ADCY2: variants seen among roughly 807,000 people sequenced by gnomAD.
ADCY2 encodes the protein adenylate cyclase type 2.
Under a neutral mutation model 125.2 loss-of-function variants are expected in ADCY2, and 31 were observed. The observed-to-expected ratio is 0.25, with a 90% CI of 0.19 to 0.33. The LOEUF (loss-of-function observed/expected upper bound fraction) is 0.33. Among genes scored for constraint, ADCY2 ranks in the 10% least tolerant of loss-of-function variants. The pLI, the probability that ADCY2 is intolerant of heterozygous loss-of-function variation, is 1.00. For missense variants in ADCY2, 904 were observed against 1,418.2 expected (o/e 0.64, Z 5.82); for synonymous variants, 512 against 548.4 (o/e 0.93, Z 0.93).
At chr5:7,414,500 T>G in intron 1 of ADCY2, 73 bp from the exon 2 acceptor site, 1 of 1,320,310 alleles carries the variant, frequency 7.6e-7, no homozygotes, top group Non-Finnish European at 1.0e-6. Context: ...TGATGACATT[T>G]TAACAACATA....
chr5:7,739,349 C>T (rs1028949450), intron 14 of ADCY2, among the ~76,000 whole-genome samples: 2 of 151,518 alleles, frequency 1.3e-5, no homozygotes, highest in African/African-American at 4.8e-5. Flanking sequence ...GAAATACAAG[C>T]GAAATGTAAA....
rs763347773 is a variant in ADCY2, at chr5:7,573,593, C to CTTTTTTT, written c.571-52555_571-52549dup. ...GCCTCTGGGATACAGGGTTGATTTTCTTTTTTTTTTTTTTTTTTTTTTTTT... is the reference window on the plus strand; with the variant it reads ...GCCTCTGGGATACAGGGTTGATTTTCTTTTTTTTTTTTTTTTTTTTTTTTTTTTTTTT... On this transcript the variant is annotated intron_variant, in intron 3 of 24. Coordinates refer to ENST00000338316, the MANE Select transcript of ADCY2 (RefSeq NM_020546.3). Among the ~76,000 whole-genome samples the CTTTTTTT allele has an allele frequency of 3.6e-4, 31 of 86,362 alleles. 2 individuals carry two copies. The highest frequency in any genetic ancestry group is 6.7e-4 in the Non-Finnish European group (28 of 41,872). The allele number at this position is 86,362 out of a possible 152,430, so 56.7% of individuals were successfully genotyped here.
At chr5:7,716,406 T>C (rs1199013699) in intron 11 of ADCY2, among the ~76,000 whole-genome samples, 5 of 152,200 alleles carry the variant, frequency 3.3e-5, no homozygotes, top group Non-Finnish European at 7.4e-5. Flanking sequence ...TTTCATAAAA[T>C]AAAGTTTATG....
chr5:7,471,774 C>A (rs1377300859), intron 2 of ADCY2, among the ~76,000 whole-genome samples: 3 of 151,760 alleles, frequency 2.0e-5, no homozygotes, highest in African/African-American at 7.3e-5. Context: ...GTCATTTTTT[C>A]CATCAATTTG....
intron 2 of ADCY2, among the ~76,000 whole-genome samples, chr5:7,473,583 G>A (rs1046079187): frequency 6.6e-6 from 1 of 152,094 alleles, no homozygotes; most frequent in Non-Finnish European, 1.5e-5. Flanking sequence ...ATATCAGAGG[G>A]CTCTTTTAAA....
At chr5:7,497,005 A>G (rs1743367276) in intron 2 of ADCY2, among the ~76,000 whole-genome samples, 1 of 152,166 alleles carries the variant, frequency 6.6e-6, no homozygotes, top group South Asian at 2.1e-4. Flanking sequence ...TCCCAACTAC[A>G]CTTGAATTGT....
chr5:7,597,603 C>T (rs1737052163), intron 3 of ADCY2, among the ~76,000 whole-genome samples: 3 of 152,276 alleles, frequency 2.0e-5, no homozygotes, highest in African/African-American at 7.2e-5. Flanking sequence ...GACAAAAACC[C>T]ATCTGTATAA....
At chr5:7,643,770 T>C (rs1738793516) in intron 4 of ADCY2, among the ~76,000 whole-genome samples, 2 of 152,012 alleles carry the variant, frequency 1.3e-5, no homozygotes. Context: ...TTCTGTTTCC[T>C]GATACTTAGT....
intron 3 of ADCY2, among the ~76,000 whole-genome samples, chr5:7,592,543 G>GA (rs34665439): frequency 0.26 from 39,634 of 149,788 alleles, 6,219 homozygotes; most frequent in East Asian, 0.45. Context: ...AGGGGAACTG[G>GA]AAAAAAAAAT....
At chr5:7,683,863 CCTT>C (rs978603813) in intron 4 of ADCY2, among the ~76,000 whole-genome samples, 11 of 152,142 alleles carry the variant, frequency 7.2e-5, no homozygotes, top group African/African-American at 1.9e-4. Flanking sequence ...ACCACTTTTT[CCTT>C]CTTCTTCTTA....
chr5:7,428,634 G>A (rs997118211), intron 2 of ADCY2, among the ~76,000 whole-genome samples: 1 of 150,430 alleles, frequency 6.6e-6, no homozygotes, highest in Admixed American at 6.6e-5. Flanking sequence ...GTTAAAACCA[G>A]TGAGGGGATA....
In ADCY2 at chr5:7,731,522, TG is replaced by T. The variant is rs553179229; in HGVS notation, c.1871+4264del. Among the ~76,000 whole-genome samples, 249 of 152,308 alleles carry T rather than the reference TG, an allele frequency of 1.6e-3. 2 individuals are homozygous for T. The highest frequency in any genetic ancestry group is 5.7e-3 in the African/African-American group (235 of 41,566). On this transcript the variant is annotated intron_variant, in intron 14 of 24. Coordinates refer to ENST00000338316, the MANE Select transcript of ADCY2 (RefSeq NM_020546.3). ...TGCCTGCCTTGGCCTCCCAAAGTGC[TG>T]GGATTATAGGCATGAGCCACCGCAC...
intron 17 of ADCY2, among the ~76,000 whole-genome samples, chr5:7,772,117 G>A (rs112990088): frequency 2.4e-4 from 37 of 152,120 alleles, no homozygotes; most frequent in African/African-American, 8.7e-4. Flanking sequence ...TCATTTTACA[G>A]TGTCATGCGG....
rs115030110 is a variant in ADCY2, at chr5:7,749,113, A to G, written c.1956+5361A>G. On this transcript the variant is annotated intron_variant, in intron 15 of 24. Coordinates refer to ENST00000338316, the MANE Select transcript of ADCY2 (RefSeq NM_020546.3). ...GTTGCCTTGTGACTACTCAGCACCC[A>G]TTGATCAAAATCACATTGGTAAGTC... Among the ~76,000 whole-genome samples, 1,043 of 152,320 alleles carry G rather than the reference A, an allele frequency of 6.8e-3. 5 individuals are homozygous for G. Among genetic ancestry groups the G allele is most frequent in the Non-Finnish European group, 0.011 (729 of 68,032 alleles).
At chr5:7,471,014 G>A (rs1048195360) in intron 2 of ADCY2, among the ~76,000 whole-genome samples, 1 of 151,724 alleles carries the variant, frequency 6.6e-6, no homozygotes. Context: ...AGTAAGTAAT[G>A]TCCTTTTTTA....
intron 2 of ADCY2, among the ~76,000 whole-genome samples, chr5:7,436,326 C>A (rs1208175229): frequency 1.3e-5 from 2 of 152,138 alleles, no homozygotes; most frequent in Non-Finnish European, 2.9e-5. Flanking sequence ...GAGAAGTGAA[C>A]AATGGCAATA....
intron 9 of ADCY2, among the ~76,000 whole-genome samples, chr5:7,708,926 A>G (rs1308480554): frequency 6.6e-6 from 1 of 152,230 alleles, no homozygotes; most frequent in African/African-American, 2.4e-5. Flanking sequence ...AGCTAAACAG[A>G]TCAGCACATT....
intron 3 of ADCY2, among the ~76,000 whole-genome samples, chr5:7,541,090 G>A (rs1385965906): frequency 6.6e-6 from 1 of 151,976 alleles, no homozygotes; most frequent in Non-Finnish European, 1.5e-5. Flanking sequence ...GTTTACATTT[G>A]CATCAACTCC....
chr5:7,519,846 C>T (rs1744379706), intron 2 of ADCY2, among the ~76,000 whole-genome samples: 1 of 152,188 alleles, frequency 6.6e-6, no homozygotes, highest in South Asian at 2.1e-4. Flanking sequence ...TGGCAACCCC[C>T]AATCTGCTTT....
Sources: gnomAD v4.1 joint callset for allele counts (sites outside exome capture counted in the v4.1 genomes callset) on GRCh38, gnomAD v4.1.1 for gene constraint, MANE v1.5 for transcripts, NCBI Gene and HGNC (gene_info 2026-07-23, HGNC 2026-07-21) for gene names.